The following STX19 variants were observed in gnomAD, a reference collection of about 807,000 sequenced individuals.
STX19 encodes the protein syntaxin 19.
A neutral mutation model predicts 24.3 loss-of-function variants in STX19; 26 were observed. That is an observed-to-expected ratio of 1.07 (90% CI 0.78 to 1.48). STX19 has a LOEUF of 1.48. Among genes scored for constraint, STX19 ranks in the 40% most tolerant of loss-of-function variants. The probability of loss-of-function intolerance (pLI) is 0.00; values close to 1 mark genes in which losing one functional copy is unlikely to be tolerated. For synonymous variants in STX19, 116 were observed against 106.9 expected, an observed-to-expected ratio of 1.09 and a Z score of -0.52; for missense variants, 367 against 331.9, an observed-to-expected ratio of 1.11 and a Z score of -0.82.
intron 1 of STX19, among the ~76,000 whole-genome samples, chr3:94,027,497 A>G (rs1484835469): frequency 6.6e-6 from 1 of 152,122 alleles, no homozygotes. Context: ...AGTAAGCTGT[A>G]CATACATAAA....
chr3:94,026,919 G>A (rs1435776507), intron 1 of STX19, among the ~76,000 whole-genome samples: 1 of 152,032 alleles, frequency 6.6e-6, no homozygotes, highest in Non-Finnish European at 1.5e-5. Context: ...ACTTGTTCTG[G>A]GAAATAGAAA....
chr3:94,021,385 A>T (rs2076446167), intron 1 of STX19, among the ~76,000 whole-genome samples: 1 of 151,830 alleles, frequency 6.6e-6, no homozygotes, highest in Non-Finnish European at 1.5e-5. Flanking sequence ...GGTAGAGACA[A>T]GGTTTCACCA....
chr3:94,018,794 C>T (rs2076386957), intron 1 of STX19, among the ~76,000 whole-genome samples: 1 of 152,166 alleles, frequency 6.6e-6, no homozygotes, highest in African/African-American at 2.4e-5. Context: ...GAGACCGAGT[C>T]TCACTCTGTC....
In STX19 at chr3:94,024,352, G is replaced by A. The variant is rs577607516; in HGVS notation, c.-14+4015C>T. Among the ~76,000 whole-genome samples, 45 of 152,286 alleles carry A rather than the reference G, an allele frequency of 3.0e-4. No individual in the cohort carries two copies. The South Asian group carries it at 3.7e-3, about 13-fold the overall frequency. On this transcript the variant is annotated intron_variant, in intron 1 of 1. Transcript: ENST00000315099. ...GTAACAATGTTAGAAGCTCAGAGGC[G>A]AGAGAAAGAGAAAGTGGCATCAAAC...
chr3:94,022,070 C>T (rs2107008958), intron 1 of STX19, among the ~76,000 whole-genome samples: 1 of 152,172 alleles, frequency 6.6e-6, no homozygotes, highest in East Asian at 1.9e-4. Context: ...TGCATCTAAA[C>T]TCCTGTTTCT....
intron 1 of STX19, among the ~76,000 whole-genome samples, chr3:94,026,523 A>G (rs973729164): frequency 1.3e-5 from 2 of 152,190 alleles, no homozygotes; most frequent in Non-Finnish European, 2.9e-5. Flanking sequence ...TCATAACTAT[A>G]TGTATAACTA....
At chr3:94,020,596 A>G (rs575773644) in intron 1 of STX19, among the ~76,000 whole-genome samples, 45 of 152,300 alleles carry the variant, frequency 3.0e-4, no homozygotes, top group African/African-American at 1.0e-3. Flanking sequence ...GCCAGATCAC[A>G]AGGGATAAGA....
intron 1 of STX19, among the ~76,000 whole-genome samples, chr3:94,018,291 G>C (rs2076374749): frequency 7.8e-6 from 1 of 128,428 alleles, no homozygotes; most frequent in African/African-American, 2.6e-5. Context: ...AGACTTTAAT[G>C]ATAGAGATGG....
intron 1 of STX19, among the ~76,000 whole-genome samples, chr3:94,017,591 G>A (rs2076359351): frequency 6.6e-6 from 1 of 152,150 alleles, no homozygotes; most frequent in Non-Finnish European, 1.5e-5. Context: ...AGTTTTAAAT[G>A]CTGTAATATA....
chr3:94,015,261 G>T lies in STX19; in HGVS notation c.9C>A (p.Asp3Glu). Reference protein sequence around the residue: MKDRLQELKQRTK... With the variant: MKERLQELKQRTK... ...TTCTCTGCTTTAGTTCTTGAAGTCG[G>T]TCTTTCATCTTCCCTTTCCTCCTAA... is the stretch of plus-strand genomic sequence containing the variant. The change falls in exon 2 of 2, where the codon GAC becomes GAA. Residue 3 changes from aspartate to glutamate, a missense_variant. Transcript: ENST00000315099. 1 of 1,535,322 alleles carries T rather than the reference G, an allele frequency of 6.5e-7. No individual in the cohort carries two copies. Among genetic ancestry groups the T allele is most frequent in the Non-Finnish European group, 8.7e-7 (1 of 1,146,282 alleles).
chr3:94,015,209 T>C lies in STX19; in HGVS notation c.61A>G (p.Ser21Gly), dbSNP rs202036799. Residue 21 changes from serine to glycine, a missense_variant, in exon 2 of 2, where the codon AGT becomes GGT. Physicochemically the swap from Ser to Gly is moderately conservative, Grantham distance 56. Transcript: ENST00000315099. ...TCTGTTTCTGTAGTTGATACATGAC[T>C]GTCTCTAGAGAGTTCAATTTCCTTT... Reference protein sequence around the residue: ...RTKEIELSRDSHVSTTETEEQ... With the variant: ...RTKEIELSRDGHVSTTETEEQ... The C allele has an allele frequency of 6.2e-7, 1 of 1,611,892 alleles. No individual in the cohort carries two copies. Among genetic ancestry groups the C allele is most frequent in the East Asian group, 2.2e-5 (1 of 44,860 alleles).
chr3:94,018,336 C>T (rs753956021), intron 1 of STX19, among the ~76,000 whole-genome samples: 2 of 152,120 alleles, frequency 1.3e-5, no homozygotes, highest in African/African-American at 2.4e-5. Context: ...ATTTTTGAAA[C>T]TAGAAGCAAT....
At chr3:94,023,508 C>A (rs566195320) in intron 1 of STX19, among the ~76,000 whole-genome samples, 1 of 151,602 alleles carries the variant, frequency 6.6e-6, no homozygotes, top group Non-Finnish European at 1.5e-5. Flanking sequence ...TAAATAATTT[C>A]TTTAAGAACT....
chr3:94,019,119 C>T (rs2106982489), intron 1 of STX19, among the ~76,000 whole-genome samples: 1 of 152,098 alleles, frequency 6.6e-6, no homozygotes, highest in East Asian at 1.9e-4. Flanking sequence ...CACAGCAAAT[C>T]TTGTCAACAT....
At chr3:94,021,993 C>G (rs1388758902) in intron 1 of STX19, among the ~76,000 whole-genome samples, 5 of 152,182 alleles carry the variant, frequency 3.3e-5, no homozygotes, top group African/African-American at 1.2e-4. Context: ...ACCACATCCC[C>G]TTTCCAATTC....
chr3:94,027,687 C>T (rs1167679581), intron 1 of STX19, among the ~76,000 whole-genome samples: 1 of 151,936 alleles, frequency 6.6e-6, no homozygotes, highest in Admixed American at 6.6e-5. Flanking sequence ...AAGTATCTAA[C>T]CTATCTACAT....
At chr3:94,016,053 C>G (rs1451812462) in intron 1 of STX19, among the ~76,000 whole-genome samples, 4 of 152,008 alleles carry the variant, frequency 2.6e-5, no homozygotes, top group Non-Finnish European at 5.9e-5. Context: ...ACACTTATCA[C>G]ATGCTGTGTT....
intron 1 of STX19, among the ~76,000 whole-genome samples, chr3:94,021,104 A>G (rs946399205): frequency 2.0e-5 from 3 of 151,824 alleles, no homozygotes; most frequent in African/African-American, 7.3e-5. Flanking sequence ...AGTCAGGAGG[A>G]ATATTAGACG....
intron 1 of STX19, among the ~76,000 whole-genome samples, chr3:94,024,259 G>A (rs913058336): frequency 6.6e-6 from 1 of 152,180 alleles, no homozygotes; most frequent in Non-Finnish European, 1.5e-5. Context: ...TATAGCTGAA[G>A]TGCTAGTTGC....
Sources: gnomAD v4.1 joint callset for allele counts (sites outside exome capture counted in the v4.1 genomes callset) on GRCh38, gnomAD v4.1.1 for gene constraint, MANE v1.5 for transcripts, NCBI Gene and HGNC (gene_info 2026-07-23, HGNC 2026-07-21) for gene names.